SLC9A2: variants seen among roughly 807,000 people sequenced by gnomAD.
SLC9A2 encodes sodium/hydrogen exchanger 2.
In SLC9A2, 42 loss-of-function variants were observed where a neutral mutation model predicts 71.7. That is an observed-to-expected ratio of 0.59 (90% CI 0.46 to 0.76). The LOEUF is 0.76. Ranked by LOEUF, SLC9A2 falls within the 30% of genes least tolerant of loss-of-function variation. The pLI is 0.00. For synonymous variants in SLC9A2, 396 were observed against 392.5 expected, an observed-to-expected ratio of 1.01 and a Z score of -0.10; for missense variants, 829 against 1,017.4, an observed-to-expected ratio of 0.81 and a Z score of 2.52.
chr2:102,664,133 G>A (rs777016239), intron 2 of SLC9A2, among the ~76,000 whole-genome samples: 2 of 151,940 alleles, frequency 1.3e-5, no homozygotes, highest in African/African-American at 2.4e-5. Flanking sequence ...GCAATTAGCC[G>A]GGTGTGGTGG....
At chr2:102,674,120 A>G (rs548721022) in intron 3 of SLC9A2, among the ~76,000 whole-genome samples, 3 of 152,222 alleles carry the variant, frequency 2.0e-5, no homozygotes, top group Non-Finnish European at 4.4e-5. Context: ...ATATTTTTAG[A>G]AAAACTGAAA....
rs572031776 is a variant in SLC9A2, at chr2:102,674,262, C to T, written c.1004+8912C>T. Among the ~76,000 whole-genome samples, 3 of 152,204 alleles carry T rather than the reference C, an allele frequency of 2.0e-5. No homozygotes were observed. The South Asian group carries it at 6.2e-4, about 32-fold the overall frequency. On this transcript the variant is annotated intron_variant, in intron 3 of 11. Coordinates refer to ENST00000233969, the MANE Select transcript of SLC9A2 (RefSeq NM_003048.6). Reference sequence around the variant, plus strand: ...TACAGCTACGGAGGTCAAGCTTGGCCCTTCCTTGACATGATACGTGTCCCA... The same window carrying T: ...TACAGCTACGGAGGTCAAGCTTGGCTCTTCCTTGACATGATACGTGTCCCA...
intron 3 of SLC9A2, among the ~76,000 whole-genome samples, chr2:102,665,773 T>TAAAAAAA (rs11426516): frequency 0.011 from 418 of 38,720 alleles, 31 homozygotes; most frequent in African/African-American, 0.021. Context: ...GACTCTGTCT[T>TAAAAAAA]AAAAAAAAAA....
intron 2 of SLC9A2, among the ~76,000 whole-genome samples, chr2:102,663,739 G>A (rs143990509): frequency 5.9e-4 from 90 of 152,260 alleles, no homozygotes; most frequent in African/African-American, 2.0e-3. Context: ...CTTATCAGTC[G>A]GTTTTCCTGG....
At chr2:102,696,721 C>T (rs1187971852) in intron 7 of SLC9A2, among the ~76,000 whole-genome samples, 1 of 152,146 alleles carries the variant, frequency 6.6e-6, no homozygotes, top group Admixed American at 6.5e-5. Flanking sequence ...TAGACAGGGC[C>T]CTGGGACTCA....
At chr2:102,670,399 C>A (rs1423872773) in intron 3 of SLC9A2, among the ~76,000 whole-genome samples, 1 of 151,794 alleles carries the variant, frequency 6.6e-6, no homozygotes. Flanking sequence ...TAAGTATTTT[C>A]TATTTATTGT....
intron 7 of SLC9A2, among the ~76,000 whole-genome samples, chr2:102,699,956 C>A (rs1253780417): frequency 6.6e-6 from 1 of 152,130 alleles, no homozygotes; most frequent in Non-Finnish European, 1.5e-5. Flanking sequence ...ATGGCCTCAA[C>A]TTAATCACTT....
intron 3 of SLC9A2, among the ~76,000 whole-genome samples, chr2:102,668,724 C>T (rs1169273432): frequency 6.6e-6 from 1 of 152,178 alleles, no homozygotes; most frequent in Non-Finnish European, 1.5e-5. Flanking sequence ...AGAGGTTAAA[C>T]TGCTTCTGTA....
At position 102,708,677 on chromosome 2, in the gene SLC9A2, T is replaced by C; in HGVS notation, c.*188T>C. The C allele has an allele frequency of 1.6e-6, 1 of 618,970 alleles. No individual in the cohort carries two copies. Among genetic ancestry groups the C allele is most frequent in the Non-Finnish European group, 2.7e-6 (1 of 374,046 alleles). The allele number at this position is 618,970 out of a possible 1,614,324, so 38.3% of individuals were successfully genotyped here. A position where few individuals can be genotyped will look rare whatever the true frequency, so the allele number is the denominator to read the frequency against. ...AAAAGGAAAATCGAATAAAAAATAG[T>C]CCCACAAAATACCTTTTGTGACTAA... On this transcript the variant is annotated 3_prime_UTR_variant, in exon 12 of 12. Coordinates refer to ENST00000233969, the MANE Select transcript of SLC9A2 (RefSeq NM_003048.6).
intron 1 of SLC9A2, among the ~76,000 whole-genome samples, chr2:102,650,084 A>G (rs1011617148): frequency 1.3e-5 from 2 of 152,236 alleles, no homozygotes; most frequent in Non-Finnish European, 2.9e-5. Context: ...ATGCCCATCA[A>G]CGAGACTGGA....
intron 1 of SLC9A2, among the ~76,000 whole-genome samples, chr2:102,622,755 A>G (rs750425339): frequency 3.3e-5 from 5 of 152,184 alleles, no homozygotes; most frequent in African/African-American, 4.8e-5. Flanking sequence ...CATCCATACT[A>G]TCATCATTAG....
chr2:102,694,953 G>A (rs1213501036), intron 6 of SLC9A2, 90 bp from the exon 7 acceptor site: 1 of 1,045,488 alleles, frequency 9.6e-7, no homozygotes, highest in Admixed American at 2.0e-5. Context: ...AAGCCATGAA[G>A]GTCTTTGGAG....
chr2:102,680,517 C>T (rs922849158), intron 3 of SLC9A2, among the ~76,000 whole-genome samples: 28 of 152,022 alleles, frequency 1.8e-4, no homozygotes, highest in South Asian at 4.2e-4. Flanking sequence ...CAGGATTTCA[C>T]GTCAAGTCAG....
chr2:102,658,154 A>G (rs1386018159), intron 2 of SLC9A2, 127 bp downstream of exon 2: 6 of 649,334 alleles, frequency 9.2e-6, no homozygotes, highest in Non-Finnish European at 1.3e-5. Context: ...GCAATTGCCC[A>G]GGGCCCTTCA....
At chr2:102,629,552 A>G (rs868509769) in intron 1 of SLC9A2, among the ~76,000 whole-genome samples, 35 of 152,120 alleles carry the variant, frequency 2.3e-4, no homozygotes, top group African/African-American at 8.4e-4. Context: ...AGAGAAATGT[A>G]ATTACACTTA....
At chr2:102,680,876 G>C (rs1677440882) in intron 3 of SLC9A2, among the ~76,000 whole-genome samples, 1 of 150,362 alleles carries the variant, frequency 6.7e-6, no homozygotes, top group African/African-American at 2.5e-5. Context: ...GATTAGGGAA[G>C]CAGAGGTCAG....
At chr2:102,706,657 T>G (rs996066935) in intron 11 of SLC9A2, among the ~76,000 whole-genome samples, 1 of 152,210 alleles carries the variant, frequency 6.6e-6, no homozygotes, top group African/African-American at 2.4e-5. Context: ...ATTGCAACCT[T>G]TTGGAATGGC....
rs1267612309 is a variant in SLC9A2 at position 102,665,976 on chromosome 2, A to C, written c.1004+626A>C. 2.0e-5 allele frequency among the ~76,000 whole-genome samples: 3 copies of C among 152,122 alleles called. No individual in the cohort carries two copies. The East Asian group carries it at 5.8e-4, about 30-fold the overall frequency. ...AGGCACCAAGAATTGTACGAGCTTG[A>C]TGCCCAATCAGGGTTGCCCACGTGG... On this transcript the variant is annotated intron_variant, in intron 3 of 11. Transcript: ENST00000233969.
At chr2:102,685,828 T>A (rs1677536709) in intron 5 of SLC9A2, among the ~76,000 whole-genome samples, 1 of 151,982 alleles carries the variant, frequency 6.6e-6, no homozygotes, top group Admixed American at 6.6e-5. Flanking sequence ...ATATTATGAG[T>A]CTGGAGCTCA....
Sources: allele counts gnomAD v4.1 joint callset (sites outside exome capture counted in the v4.1 genomes callset), GRCh38; gene constraint gnomAD v4.1.1; transcripts MANE v1.5; gene names NCBI Gene and HGNC (gene_info 2026-07-23, HGNC 2026-07-21).